Variants in BMPR1B observed in about 807,000 individuals in gnomAD.
BMPR1B encodes bone morphogenetic protein receptor type-1B.
BMPR1B carries 12 observed loss-of-function variants against 59.1 expected under a neutral mutation model. The ratio of observed to expected loss-of-function variants is 0.20; its 90% CI spans 0.13 to 0.33. The LOEUF (loss-of-function observed/expected upper bound fraction) is 0.33, where lower values mean the gene tolerates loss of function less well. BMPR1B is among the 10% of genes least tolerant of loss of function. The pLI, the probability that BMPR1B is intolerant of heterozygous loss-of-function variation, is 1.00. For missense variants in BMPR1B, 550 were observed against 610.9 expected (o/e 0.90, Z 1.05); for synonymous variants, 237 against 207.3 (o/e 1.14, Z -1.23).
intron 1 of BMPR1B, among the ~76,000 whole-genome samples, chr4:94,793,440 C>T (rs1295940170): frequency 2.0e-5 from 3 of 151,222 alleles, no homozygotes; most frequent in Non-Finnish European, 4.4e-5. Context: ...GGGTTGGTTC[C>T]AAGTCTTTGC....
chr4:94,983,252 C>G (rs1207683158), intron 2 of BMPR1B, among the ~76,000 whole-genome samples: 1 of 151,690 alleles, frequency 6.6e-6, no homozygotes, highest in Admixed American at 6.6e-5. Flanking sequence ...GCTTTTTTTC[C>G]CTATTTGTTA....
chr4:94,878,832 C>G (rs1726844671), intron 2 of BMPR1B, among the ~76,000 whole-genome samples: 1 of 148,854 alleles, frequency 6.7e-6, no homozygotes, highest in South Asian at 2.1e-4. Context: ...TTGTCTATTA[C>G]AGTTTTAGTT....
intron 3 of BMPR1B, among the ~76,000 whole-genome samples, chr4:95,015,048 T>G (rs1447582087): frequency 6.6e-6 from 1 of 152,058 alleles, no homozygotes; most frequent in African/African-American, 2.4e-5. Flanking sequence ...CTTTGTGAAT[T>G]CAAAGCTATT....
chr4:94,915,828 A>G (rs533056476), intron 2 of BMPR1B, among the ~76,000 whole-genome samples: 5 of 152,130 alleles, frequency 3.3e-5, no homozygotes, highest in African/African-American at 7.2e-5. Flanking sequence ...GTAATCCCCA[A>G]TGCTGGAGGC....
At chr4:94,807,006 AATTAT>A (rs2110631914) in intron 1 of BMPR1B, among the ~76,000 whole-genome samples, 1 of 152,294 alleles carries the variant, frequency 6.6e-6, no homozygotes, top group South Asian at 2.1e-4. Flanking sequence ...GCATTAAAAT[AATTAT>A]ATTTTATAAT....
intron 2 of BMPR1B, among the ~76,000 whole-genome samples, chr4:94,986,437 G>C (rs529100649): frequency 1.5e-3 from 232 of 152,240 alleles, no homozygotes; most frequent in African/African-American, 5.2e-3. Flanking sequence ...CAAAAGAATT[G>C]CTTCCATCCA....
intron 3 of BMPR1B, among the ~76,000 whole-genome samples, chr4:95,072,942 T>C (rs1420613701): frequency 6.6e-6 from 1 of 152,230 alleles, no homozygotes; most frequent in Non-Finnish European, 1.5e-5. Context: ...AATATTCATC[T>C]TCTATTTTCT....
At chr4:94,908,972 T>C (rs572776183) in intron 2 of BMPR1B, among the ~76,000 whole-genome samples, 1 of 152,150 alleles carries the variant, frequency 6.6e-6, no homozygotes, top group African/African-American at 2.4e-5. Flanking sequence ...AATGAAGGTG[T>C]TGGCAGGGCC....
chr4:95,061,200 CACA>C (rs1727352373), intron 3 of BMPR1B, among the ~76,000 whole-genome samples: 1 of 141,854 alleles, frequency 7.0e-6, no homozygotes, highest in African/African-American at 2.8e-5. Context: ...CACACACACA[CACA>C]CACACACCAC....
At position 95,154,769 on chromosome 4, in the gene BMPR1B, A is replaced by C; in HGVS notation, c.*96A>C. 3.9e-6 allele frequency: 6 copies of C among 1,548,432 alleles called. No individual in the cohort carries two copies. Among genetic ancestry groups the C allele is most frequent in the Non-Finnish European group, 5.3e-6 (6 of 1,125,374 alleles). On this transcript the variant is annotated 3_prime_UTR_variant, in exon 13 of 13. Coordinates refer to ENST00000515059, the MANE Select transcript of BMPR1B (RefSeq NM_001203.3). ...ACATCAAATAAGCATCCACAGTACA[A>C]GCCTTGAACATCGTCCTGCTTCCCA...
chr4:94,871,020 A>G (rs999646126), intron 1 of BMPR1B, among the ~76,000 whole-genome samples: 1 of 152,100 alleles, frequency 6.6e-6, no homozygotes. Flanking sequence ...GGTAAGAGGT[A>G]CTTTGTTAAA....
intron 3 of BMPR1B, among the ~76,000 whole-genome samples, chr4:95,057,813 G>A (rs759548929): frequency 5.3e-5 from 8 of 152,090 alleles, no homozygotes; most frequent in East Asian, 1.9e-4. Context: ...TAGCAAATGA[G>A]TTATTTATCA....
At chr4:95,094,235 A>G (rs1411655589) in intron 3 of BMPR1B, among the ~76,000 whole-genome samples, 1 of 152,138 alleles carries the variant, frequency 6.6e-6, no homozygotes, top group Non-Finnish European at 1.5e-5. Context: ...CCAAGAGATG[A>G]AAGAAAATAA....
intron 3 of BMPR1B, among the ~76,000 whole-genome samples, chr4:95,009,228 AC>A (rs1723060783): frequency 6.6e-6 from 1 of 152,200 alleles, no homozygotes. Context: ...TTGAAACCGA[AC>A]ATAAACATAT....
At chr4:95,113,905 G>T (rs1731810234) in intron 4 of BMPR1B, among the ~76,000 whole-genome samples, 1 of 151,880 alleles carries the variant, frequency 6.6e-6, no homozygotes, top group South Asian at 2.1e-4. Flanking sequence ...TTTTCTTATT[G>T]TTGAGAGGAT....
chr4:95,084,803 A>G (rs1729448913), intron 3 of BMPR1B, among the ~76,000 whole-genome samples: 2 of 152,324 alleles, frequency 1.3e-5, no homozygotes, highest in South Asian at 2.1e-4. Context: ...ACCTTAACAA[A>G]TGTATCGTGA....
intron 2 of BMPR1B, among the ~76,000 whole-genome samples, chr4:94,962,817 T>A (rs1319855110): frequency 1.3e-5 from 2 of 152,182 alleles, no homozygotes; most frequent in Non-Finnish European, 2.9e-5. Flanking sequence ...ACTAATTTCT[T>A]TTATTTTGGA....
chr4:94,859,307 A>T (rs1037594102), intron 1 of BMPR1B, among the ~76,000 whole-genome samples: 1 of 152,196 alleles, frequency 6.6e-6, no homozygotes, highest in Non-Finnish European at 1.5e-5. Flanking sequence ...TTTTAAAAAA[A>T]CTTCCGTCTT....
chr4:95,133,326 C>T (rs1733520708), intron 10 of BMPR1B, among the ~76,000 whole-genome samples: 1 of 152,134 alleles, frequency 6.6e-6, no homozygotes, highest in South Asian at 2.1e-4. Flanking sequence ...TTTCCTGTGG[C>T]TTCGTATTAA....
Sources: allele counts gnomAD v4.1 joint callset (sites outside exome capture counted in the v4.1 genomes callset), GRCh38; gene constraint gnomAD v4.1.1; transcripts MANE v1.5; gene names NCBI Gene and HGNC (gene_info 2026-07-23, HGNC 2026-07-21).